The following BCAS3 variants were observed in gnomAD, a reference collection of about 807,000 sequenced individuals.
The protein encoded by BCAS3 is BCAS3 microtubule associated cell migration factor.
In BCAS3, 53 loss-of-function variants were observed where a neutral mutation model predicts 116.1. The observed-to-expected ratio is 0.46, with a 90% CI of 0.37 to 0.57. The LOEUF (loss-of-function observed/expected upper bound fraction) is 0.57. Among genes scored for constraint, BCAS3 ranks in the 20% least tolerant of loss-of-function variants. The pLI is 0.00. For synonymous variants in BCAS3, 391 were observed against 408.2 expected (o/e 0.96, Z 0.51); for missense variants, 917 against 1,165.4 (o/e 0.79, Z 3.10).
chr17:61,080,152 G>T (rs567700071), intron 21 of BCAS3, among the ~76,000 whole-genome samples: 3 of 151,890 alleles, frequency 2.0e-5, no homozygotes, highest in African/African-American at 7.2e-5. Context: ...TGATCTGCCC[G>T]CCTCTGCCTC....
In BCAS3 at chr17:61,191,966, C is replaced by T. The variant is rs114339264; in HGVS notation, c.2425+107402C>T. Among the ~76,000 whole-genome samples, 754 of 151,770 alleles carry T rather than the reference C, an allele frequency of 5.0e-3. 6 individuals are homozygous for T. Among genetic ancestry groups the T allele is most frequent in the African/African-American group, 0.017 (711 of 41,406 alleles). On this transcript the variant is annotated intron_variant, in intron 22 of 23. Coordinates refer to ENST00000407086, the MANE Select transcript of BCAS3 (RefSeq NM_017679.5). ...GTTGAGAAACATACAGTTTAGAGTC[C>T]GGGCATGGAGGCTCACACCTGTAAT...
At chr17:61,264,071 C>T (rs964255614) in intron 22 of BCAS3, among the ~76,000 whole-genome samples, 5 of 152,034 alleles carry the variant, frequency 3.3e-5, no homozygotes, top group Non-Finnish European at 5.9e-5. Flanking sequence ...TATTCCCTGT[C>T]TGTAAAATGG....
At chr17:61,014,637 G>A (rs1345416500) in intron 15 of BCAS3, among the ~76,000 whole-genome samples, 2 of 151,504 alleles carry the variant, frequency 1.3e-5, no homozygotes, top group Non-Finnish European at 1.5e-5. Flanking sequence ...GTTCTAGGTA[G>A]GTCAGTGAGG....
chr17:61,326,189 A>T lies in BCAS3; in HGVS notation c.2426-42138A>T, dbSNP rs2055714955. Among the ~76,000 whole-genome samples, 1 of 152,228 alleles carries T rather than the reference A, an allele frequency of 6.6e-6. No individual in the cohort carries two copies. The highest frequency in any genetic ancestry group is 2.4e-5 in the African/African-American group (1 of 41,466). On this transcript the variant is annotated intron_variant, in intron 22 of 23. Transcript: ENST00000407086. This position sits in a 1 kb window ranked among gnomAD's most constrained non-coding sequence, Gnocchi z 5.3. Reference sequence around the variant, plus strand: ...TAATGAAGGAAAAATTCCATGTGGTATGAGAGCATCTGAAAAGGGTATGCA... The same window carrying T: ...TAATGAAGGAAAAATTCCATGTGGTTTGAGAGCATCTGAAAAGGGTATGCA...
At chr17:60,914,626 G>A (rs1047117769) in intron 12 of BCAS3, among the ~76,000 whole-genome samples, 1 of 152,106 alleles carries the variant, frequency 6.6e-6, no homozygotes, top group Non-Finnish European at 1.5e-5. Context: ...ACTTATATGT[G>A]GATTTTCTCT....
intron 4 of BCAS3, among the ~76,000 whole-genome samples, chr17:60,692,797 G>T (rs190435700): frequency 6.6e-6 from 1 of 151,816 alleles, no homozygotes; most frequent in Non-Finnish European, 1.5e-5. Flanking sequence ...TCGGGAGGCT[G>T]AGGAGGAGAA....
chr17:61,242,210 A>C (rs140853466), intron 22 of BCAS3, among the ~76,000 whole-genome samples: 38 of 148,388 alleles, frequency 2.6e-4, no homozygotes, highest in African/African-American at 8.2e-4. Context: ...TGGAAGGTGG[A>C]GGTTGCAGTG....
chr17:61,202,309 C>G (rs1276027503), intron 22 of BCAS3, among the ~76,000 whole-genome samples: 4 of 151,276 alleles, frequency 2.6e-5, no homozygotes, highest in Non-Finnish European at 4.4e-5. Context: ...ATTTTTCTCC[C>G]CATTTTGCGG....
rs75265622 is a variant in BCAS3, at chr17:61,021,353, C to G, written c.1637+5452C>G. On this transcript the variant is annotated intron_variant, in intron 16 of 23. Transcript: ENST00000407086. This position sits in a 1 kb window ranked among gnomAD's most constrained non-coding sequence, Gnocchi z 4.6. Reference sequence around the variant, plus strand: ...GGGATTATAGGCATGAGCAACCGCACCCGGCCATGTTTATTCATTTCTTTG... The same window carrying G: ...GGGATTATAGGCATGAGCAACCGCAGCCGGCCATGTTTATTCATTTCTTTG... Among the ~76,000 whole-genome samples the G allele has an allele frequency of 0.016, 2,486 of 152,180 alleles. 71 individuals carry two copies. The highest frequency in any genetic ancestry group is 0.057 in the African/African-American group (2,373 of 41,482).
rs1473318703 is a variant in BCAS3, at chr17:61,356,814, T to C, written c.2426-11513T>C. ...CACACAAGTTGGTGCACATTCCTAA[T>C]ATGAATTAAAAATAAATATGCCATG... On this transcript the variant is annotated intron_variant, in intron 22 of 23. Coordinates refer to ENST00000407086, the MANE Select transcript of BCAS3 (RefSeq NM_017679.5). This position sits in a 1 kb window ranked among gnomAD's most constrained non-coding sequence, Gnocchi z 5.4. 6.6e-6 allele frequency: 1 copy of C among 152,228 alleles called. No individual in the cohort carries two copies. Among genetic ancestry groups the C allele is most frequent in the African/African-American group, 2.4e-5 (1 of 41,470 alleles). The allele number at this position is 152,228 out of a possible 1,614,324, so 9.4% of individuals were successfully genotyped here.
chr17:60,986,124 T>C (rs771761716), intron 14 of BCAS3, among the ~76,000 whole-genome samples: 9 of 152,254 alleles, frequency 5.9e-5, no homozygotes, highest in Non-Finnish European at 1.2e-4. Flanking sequence ...TCACTTAACA[T>C]AATAACCTCC....
rs2082149112 is a variant in BCAS3, at chr17:61,222,242, G to C, written c.2425+137678G>C. On this transcript the variant is annotated intron_variant, in intron 22 of 23. Coordinates refer to ENST00000407086, the MANE Select transcript of BCAS3 (RefSeq NM_017679.5). This position sits in a 1 kb window ranked among gnomAD's most constrained non-coding sequence, Gnocchi z 6.1. Reference sequence around the variant, plus strand: ...AAATAAGGACTCAGCTTAAACCTTTGAAAGAAAGGGCCTCCATAGGCTTGT... The same window carrying C: ...AAATAAGGACTCAGCTTAAACCTTTCAAAGAAAGGGCCTCCATAGGCTTGT... Among the ~76,000 whole-genome samples the C allele has an allele frequency of 6.6e-6, 1 of 152,182 alleles. No homozygotes were observed.
Position 60,709,292 on chromosome 17 carries a change from C to T in BCAS3, c.288C>T (p.Gly96=). ...GNEPPLLIMI[G]YSDGMQVWSI... The stretch of plus-strand genomic sequence containing the variant: ...AACCGCCTTTGTTGATTATGATTGG[C>T]TACAGTGATGGAATGCAGGTCTGGA... The change falls in exon 5 of 24, where the codon GGC becomes GGT. Residue 96 remains glycine, a synonymous_variant. Transcript: ENST00000407086. The T allele has an allele frequency of 6.2e-7, 1 of 1,601,108 alleles. No homozygotes were observed. Among genetic ancestry groups the T allele is most frequent in the South Asian group, 1.1e-5 (1 of 90,816 alleles).
At chr17:60,779,189 C>G (rs968923022) in intron 6 of BCAS3, among the ~76,000 whole-genome samples, 1 of 151,892 alleles carries the variant, frequency 6.6e-6, no homozygotes, top group Non-Finnish European at 1.5e-5. Context: ...CTCCCCACCC[C>G]CAAATAAAAC....
intron 12 of BCAS3, among the ~76,000 whole-genome samples, chr17:60,915,687 C>T (rs1567859207): frequency 9.9e-4 from 135 of 136,098 alleles, no homozygotes; most frequent in African/African-American, 4.3e-3. Context: ...TTTTTCTTTT[C>T]TTTTTTTTTT....
At position 60,953,953 on chromosome 17, in the gene BCAS3, C is replaced by T. The variant is rs138007268; in HGVS notation, c.1221+6601C>T. ...TTCACTATATTGGCCAGGCTGGTCTCGAATTCCTGACCTTAGGCAATCTAC... is the reference window on the plus strand; with the variant it reads ...TTCACTATATTGGCCAGGCTGGTCTTGAATTCCTGACCTTAGGCAATCTAC... On this transcript the variant is annotated intron_variant, in intron 14 of 23. Transcript: ENST00000407086. Among the ~76,000 whole-genome samples, 49 of 152,068 alleles carry T rather than the reference C, an allele frequency of 3.2e-4. 1 individual carries two copies. Among genetic ancestry groups the T allele is most frequent in the East Asian group, 3.9e-4 (2 of 5,156 alleles).
chr17:60,793,646 TATG>T (rs2046968701), intron 6 of BCAS3, among the ~76,000 whole-genome samples: 1 of 152,196 alleles, frequency 6.6e-6, no homozygotes, highest in Non-Finnish European at 1.5e-5. Flanking sequence ...AGTGAGAACA[TATG>T]ATGGTTGGTT....
intron 7 of BCAS3, among the ~76,000 whole-genome samples, chr17:60,833,541 C>T (rs1346898451): frequency 6.6e-6 from 1 of 152,178 alleles, no homozygotes; most frequent in African/African-American, 2.4e-5. Context: ...TAGTATTTTG[C>T]ATTTTGCACA....
At chr17:61,284,618 G>A (rs1462688567) in intron 22 of BCAS3, among the ~76,000 whole-genome samples, 1 of 150,964 alleles carries the variant, frequency 6.6e-6, no homozygotes, top group Admixed American at 6.6e-5. Context: ...TGGGCTCTTT[G>A]CAATTAGCAG....
Sources: allele counts gnomAD v4.1 joint callset (sites outside exome capture counted in the v4.1 genomes callset), GRCh38; gene constraint gnomAD v4.1.1; non-coding constraint Gnocchi (gnomAD v3.1); transcripts MANE v1.5; gene names NCBI Gene and HGNC (gene_info 2026-07-23, HGNC 2026-07-21).